EXOC4: variants seen among roughly 807,000 people sequenced by gnomAD.
EXOC4 encodes the protein SEC8-like 1.
A neutral mutation model predicts 107.2 loss-of-function variants in EXOC4; 71 were observed. The ratio of observed to expected loss-of-function variants is 0.66; its 90% CI spans 0.55 to 0.81. EXOC4 has a LOEUF of 0.81. EXOC4 is among the 30% of genes least tolerant of loss of function. The pLI is 0.00. For missense variants in EXOC4, 1,108 were observed against 1,189.6 expected, an observed-to-expected ratio of 0.93 and a Z score of 1.01; for synonymous variants, 456 against 441.2, an observed-to-expected ratio of 1.03 and a Z score of -0.42.
In EXOC4 at chr7:133,643,392, AG is replaced by A. The variant is rs759942352; in HGVS notation, c.1514+13254del. ...GATTAGAATGTGCCCACCCAAATTA[AG>A]GGTGGGTCTGCCTTTCCCAGCCCAC... is the stretch of plus-strand genomic sequence containing the variant. On this transcript the variant is annotated intron_variant, in intron 10 of 17. Coordinates refer to ENST00000253861, the MANE Select transcript of EXOC4 (RefSeq NM_021807.4). Among the ~76,000 whole-genome samples, 296 of 152,282 alleles carry A rather than the reference AG, an allele frequency of 1.9e-3. 2 individuals are homozygous for A. Among genetic ancestry groups the A allele is most frequent in the Non-Finnish European group, 4.0e-3 (271 of 68,024 alleles).
At position 133,817,515 on chromosome 7, in the gene EXOC4, G is replaced by A. The variant is rs768937158; in HGVS notation, c.1705G>A (p.Val569Met). ...TCTGGCCAACGCAGACACCATGAAG[G>A]TGCTGGGAGTGCAGCGGCCTCTCCT... The part of the protein sequence containing the change: ...KILANADTMK[V>M]LGVQRPLLQS... Residue 569 changes from valine to methionine, a missense_variant, in exon 11 of 18, where the codon GTG (valine) becomes ATG (methionine). Coordinates refer to ENST00000253861, the MANE Select transcript of EXOC4 (RefSeq NM_021807.4). 5 of 1,613,962 alleles carry A rather than the reference G, an allele frequency of 3.1e-6. No individual in the cohort carries two copies. In the South Asian group the frequency reaches 3.3e-5, roughly 11 times the overall value.
intron 10 of EXOC4, among the ~76,000 whole-genome samples, chr7:133,794,210 G>A (rs1796766676): frequency 6.6e-6 from 1 of 152,144 alleles, no homozygotes; most frequent in Admixed American, 6.5e-5. Context: ...TGCTTCTCGT[G>A]TTCTTTATCC....
chr7:133,389,132 T>C (rs1057086109), intron 7 of EXOC4, among the ~76,000 whole-genome samples: 1 of 151,850 alleles, frequency 6.6e-6, no homozygotes, highest in Non-Finnish European at 1.5e-5. Context: ...AGAGGAGAAA[T>C]GGAGAGCTGC....
At chr7:134,052,823 A>G (rs1489248421) in intron 17 of EXOC4, among the ~76,000 whole-genome samples, 3 of 152,230 alleles carry the variant, frequency 2.0e-5, no homozygotes, top group African/African-American at 7.2e-5. Context: ...GAGAAGGATT[A>G]CAGATCACTA....
intron 10 of EXOC4, among the ~76,000 whole-genome samples, chr7:133,687,031 G>GTC (rs1794319108): frequency 1.4e-5 from 2 of 147,194 alleles, no homozygotes; most frequent in African/African-American, 5.1e-5. Flanking sequence ...GTGTGTGTGT[G>GTC]TGTGTGTCTG....
At chr7:133,843,100 G>A (rs955992717) in intron 11 of EXOC4, among the ~76,000 whole-genome samples, 1 of 152,160 alleles carries the variant, frequency 6.6e-6, no homozygotes, top group South Asian at 2.1e-4. Flanking sequence ...TGGGTATTGT[G>A]ATGCCTCCAG....
intron 10 of EXOC4, among the ~76,000 whole-genome samples, chr7:133,677,458 TAAAA>T (rs906674396): frequency 6.6e-6 from 1 of 151,936 alleles, no homozygotes; most frequent in Non-Finnish European, 1.5e-5. Flanking sequence ...TGTGTACACT[TAAAA>T]AAAAGATTGT....
chr7:133,974,931 T>A (rs1386153555), intron 14 of EXOC4, among the ~76,000 whole-genome samples: 6 of 152,242 alleles, frequency 3.9e-5, no homozygotes, highest in Non-Finnish European at 8.8e-5. Context: ...ATCTTTGCTC[T>A]GTGTATAATG....
intron 12 of EXOC4, among the ~76,000 whole-genome samples, chr7:133,913,078 A>C (rs929826629): frequency 6.6e-6 from 1 of 152,156 alleles, no homozygotes; most frequent in Non-Finnish European, 1.5e-5. Context: ...GAGGATGAGA[A>C]AAAGGCTTTC....
At chr7:133,682,377 A>G (rs1794206491) in intron 10 of EXOC4, among the ~76,000 whole-genome samples, 1 of 152,190 alleles carries the variant, frequency 6.6e-6, no homozygotes, top group South Asian at 2.1e-4. Context: ...CGTGATAGTG[A>G]ATAAGTCTCA....
intron 9 of EXOC4, among the ~76,000 whole-genome samples, chr7:133,565,654 T>G (rs958309840): frequency 6.6e-6 from 1 of 152,244 alleles, no homozygotes; most frequent in Non-Finnish European, 1.5e-5. Flanking sequence ...GGAACATACT[T>G]ATACTAAAAT....
At chr7:133,787,049 A>T (rs1235087683) in intron 10 of EXOC4, among the ~76,000 whole-genome samples, 1 of 152,232 alleles carries the variant, frequency 6.6e-6, no homozygotes, top group Non-Finnish European at 1.5e-5. Context: ...CAGTCTGTAG[A>T]TGCAAAGTGC....
At chr7:133,463,057 A>G (rs1798632251) in intron 7 of EXOC4, among the ~76,000 whole-genome samples, 1 of 152,334 alleles carries the variant, frequency 6.6e-6, no homozygotes, top group Non-Finnish European at 1.5e-5. Flanking sequence ...GTGGCAGGAT[A>G]TGGCCGGTGG....
chr7:133,805,385 G>A (rs1797051086), intron 10 of EXOC4, among the ~76,000 whole-genome samples: 1 of 152,120 alleles, frequency 6.6e-6, no homozygotes, highest in African/African-American at 2.4e-5. Context: ...AGAGTACATG[G>A]AACTCAAAGT....
chr7:133,480,322 C>T (rs1054159044), intron 9 of EXOC4, 184 bp downstream of exon 9: 1 of 1,422,634 alleles, frequency 7.0e-7, no homozygotes, highest in Non-Finnish European at 9.2e-7. Context: ...ATTACTGTGG[C>T]CATAGGACTT....
intron 5 of EXOC4, among the ~76,000 whole-genome samples, chr7:133,335,887 G>T (rs990239745): frequency 6.6e-6 from 1 of 152,020 alleles, no homozygotes; most frequent in Admixed American, 6.6e-5. Flanking sequence ...CTATCCTAAT[G>T]GGTATGAGGA....
chr7:133,554,243 T>C (rs1800649719), intron 9 of EXOC4, among the ~76,000 whole-genome samples: 1 of 152,196 alleles, frequency 6.6e-6, no homozygotes, highest in South Asian at 2.1e-4. Flanking sequence ...TGTTTTATTT[T>C]ATTTCTCAGT....
chr7:133,379,227 G>T (rs1050132705), intron 7 of EXOC4, among the ~76,000 whole-genome samples: 3 of 152,008 alleles, frequency 2.0e-5, no homozygotes, highest in African/African-American at 7.2e-5. Context: ...AACTGACCCA[G>T]TAATGTTCTA....
chr7:133,938,750 G>A (rs1800361335), intron 14 of EXOC4, among the ~76,000 whole-genome samples: 1 of 152,164 alleles, frequency 6.6e-6, no homozygotes, highest in Admixed American at 6.6e-5. Flanking sequence ...GTATAACACA[G>A]TTAAAATAGA....
Sources: gnomAD v4.1 joint callset for allele counts (sites outside exome capture counted in the v4.1 genomes callset) on GRCh38, gnomAD v4.1.1 for gene constraint, MANE v1.5 for transcripts, NCBI Gene and HGNC (gene_info 2026-07-23, HGNC 2026-07-21) for gene names.